ATG4C: variants seen among roughly 807,000 people sequenced by gnomAD.
ATG4C encodes cysteine protease ATG4C.
A neutral mutation model predicts 57.6 loss-of-function variants in ATG4C; 56 were observed. The ratio of observed to expected loss-of-function variants is 0.97; its 90% confidence interval spans 0.78 to 1.21. The LOEUF (loss-of-function observed/expected upper bound fraction) is 1.21. ATG4C is among the 50% of genes most tolerant of loss of function. The pLI, the probability that ATG4C is intolerant of heterozygous loss-of-function variation, is 0.00. For synonymous variants in ATG4C, 157 were observed against 174.1 expected, an observed-to-expected ratio of 0.90 and a Z score of 0.78; for missense variants, 595 against 529.8, an observed-to-expected ratio of 1.12 and a Z score of -1.21.
intron 10 of ATG4C, among the ~76,000 whole-genome samples, chr1:62,858,028 A>G (rs1666739190): frequency 6.6e-6 from 1 of 152,158 alleles, no homozygotes; most frequent in Non-Finnish European, 1.5e-5. Context: ...TAAACTAAAC[A>G]CTTGGGGTTT....
intron 10 of ATG4C, among the ~76,000 whole-genome samples, chr1:62,852,568 C>T (rs1296757354): frequency 6.6e-6 from 1 of 151,928 alleles, no homozygotes; most frequent in Non-Finnish European, 1.5e-5. Context: ...TAGCCATACT[C>T]CCACTACAGT....
intron 7 of ATG4C, among the ~76,000 whole-genome samples, chr1:62,832,670 A>G (rs746410540): frequency 1.3e-5 from 2 of 152,120 alleles, no homozygotes; most frequent in Non-Finnish European, 2.9e-5. Context: ...TTTCAACACT[A>G]CATTGGGGAT....
At chr1:62,845,307 T>A (rs1666294764) in intron 10 of ATG4C, among the ~76,000 whole-genome samples, 1 of 152,160 alleles carries the variant, frequency 6.6e-6, no homozygotes, top group Non-Finnish European at 1.5e-5. Flanking sequence ...GAATAGTACC[T>A]CTTTGTAGTT....
intron 10 of ATG4C, among the ~76,000 whole-genome samples, chr1:62,851,850 A>G (rs1275976829): frequency 2.0e-5 from 3 of 152,206 alleles, no homozygotes; most frequent in African/African-American, 4.8e-5. Flanking sequence ...TTATCTTACA[A>G]TTGTTGGTGG....
intron 10 of ATG4C, among the ~76,000 whole-genome samples, chr1:62,848,797 C>T (rs4631730): frequency 1 from 151,734 of 152,324 alleles, 75,575 homozygotes; most frequent in Middle Eastern, 1. Context: ...AGTAATGCTC[C>T]AGGTGGCAAA....
chr1:62,799,576 A>C (rs1236674420), intron 1 of ATG4C, among the ~76,000 whole-genome samples: 1 of 152,178 alleles, frequency 6.6e-6, no homozygotes, highest in East Asian at 1.9e-4. Context: ...TGAGGTTAGA[A>C]TATTTGTTTC....
chr1:62,814,552 C>T (rs1431866576), intron 3 of ATG4C, among the ~76,000 whole-genome samples: 1 of 152,056 alleles, frequency 6.6e-6, no homozygotes, highest in Non-Finnish European at 1.5e-5. Flanking sequence ...ATGTAACAAA[C>T]CTGCATGTTT....
At chr1:62,826,373 C>A (rs566896495) in intron 6 of ATG4C, among the ~76,000 whole-genome samples, 1 of 149,936 alleles carries the variant, frequency 6.7e-6, no homozygotes, top group African/African-American at 2.5e-5. Context: ...GTAGCTGGAA[C>A]TATAGGCGCC....
chr1:62,800,188 GCCT>G (rs1452766000), intron 1 of ATG4C, among the ~76,000 whole-genome samples: 1 of 152,042 alleles, frequency 6.6e-6, no homozygotes, highest in East Asian at 1.9e-4. Context: ...CTTCCCTGTG[GCCT>G]TCTTTCTTTC....
At chr1:62,791,410 C>G (rs1006083916) in intron 1 of ATG4C, among the ~76,000 whole-genome samples, 4 of 152,162 alleles carry the variant, frequency 2.6e-5, no homozygotes, top group Admixed American at 2.0e-4. Flanking sequence ...TATCCATTGT[C>G]GTAGTCTGTC....
intron 9 of ATG4C, among the ~76,000 whole-genome samples, chr1:62,836,045 A>C (rs886401535): frequency 2.0e-5 from 3 of 152,084 alleles, no homozygotes; most frequent in Non-Finnish European, 4.4e-5. Flanking sequence ...AGCAAATTAA[A>C]AGATTATTGG....
At chr1:62,839,960 C>T (rs753378649) in intron 9 of ATG4C, among the ~76,000 whole-genome samples, 7 of 151,928 alleles carry the variant, frequency 4.6e-5, no homozygotes, top group African/African-American at 1.5e-4. Flanking sequence ...GGTGATGATA[C>T]GGGATACAAA....
chr1:62,819,094 G>C lies in ATG4C; in HGVS notation c.484G>C (p.Glu162Gln). 1 of 1,611,972 alleles carries C rather than the reference G, an allele frequency of 6.2e-7. No individual in the cohort carries two copies. Among genetic ancestry groups the C allele is most frequent in the Non-Finnish European group, 8.5e-7 (1 of 1,179,190 alleles). Residue 162 changes from glutamate (E) to glutamine (Q), a missense_variant, in exon 5 of 11, where the codon GAA becomes CAA. Glu to Gln is a conservative substitution (Grantham distance 29). Transcript: ENST00000317868. ...TGTCAAAAAATTTACTGCATCATTT[G>C]AAGCATCACTTTCAGGGGAAAGAGA... The part of the protein sequence containing the change: ...HTVKKFTASF[E>Q]ASLSGEREFK...
intron 1 of ATG4C, among the ~76,000 whole-genome samples, chr1:62,792,067 G>A (rs145957199): frequency 0.012 from 1,774 of 151,880 alleles, 16 homozygotes; most frequent in South Asian, 0.051. Flanking sequence ...GCACAATCTC[G>A]GCTCACTGCA....
At chr1:62,789,705 T>A (rs1664206949) in intron 1 of ATG4C, among the ~76,000 whole-genome samples, 1 of 151,822 alleles carries the variant, frequency 6.6e-6, no homozygotes. Context: ...TAGTCCCAGT[T>A]ACTAGGGAGG....
intron 1 of ATG4C, among the ~76,000 whole-genome samples, chr1:62,798,994 A>G (rs1440256111): frequency 1.3e-5 from 2 of 152,198 alleles, no homozygotes; most frequent in Admixed American, 1.3e-4. Context: ...GTTGGAGTGC[A>G]GTAGCACAAT....
chr1:62,792,297 A>G (rs1205994123), intron 1 of ATG4C, among the ~76,000 whole-genome samples: 1 of 152,046 alleles, frequency 6.6e-6, no homozygotes, highest in African/African-American at 2.4e-5. Flanking sequence ...GCCCGGCCTT[A>G]TCTACTCATT....
chr1:62,814,402 A>G (rs111928518), intron 3 of ATG4C, among the ~76,000 whole-genome samples: 4,896 of 152,240 alleles, frequency 0.032, 275 homozygotes, highest in African/African-American at 0.11. Context: ...CAATGAGAAT[A>G]CATGGAGACT....
intron 3 of ATG4C, among the ~76,000 whole-genome samples, chr1:62,807,607 A>T (rs914147767): frequency 2.6e-5 from 4 of 152,150 alleles, no homozygotes; most frequent in Admixed American, 6.5e-5. Context: ...TGGATTGGTG[A>T]ACACATCCAC....
Sources: allele counts gnomAD v4.1 joint callset (sites outside exome capture counted in the v4.1 genomes callset), GRCh38; gene constraint gnomAD v4.1.1; transcripts MANE v1.5; gene names NCBI Gene and HGNC (gene_info 2026-07-23, HGNC 2026-07-21).